Variants in PRKG1 observed in about 807,000 individuals in gnomAD.
PRKG1 encodes protein kinase cGMP-dependent 1.
PRKG1 carries 35 observed loss-of-function variants against 88.1 expected under a neutral mutation model. The observed-to-expected ratio is 0.40, with a 90% CI of 0.30 to 0.53. PRKG1 has a LOEUF of 0.53. PRKG1 is among the 20% of genes least tolerant of loss of function. PRKG1 has a pLI of 0.59. For synonymous variants in PRKG1, 303 were observed against 292.5 expected (o/e 1.04, Z -0.37); for missense variants, 540 against 839.8 (o/e 0.64, Z 4.41).
At chr10:51,276,610 A>G (rs1375155396) in intron 2 of PRKG1, among the ~76,000 whole-genome samples, 1 of 152,074 alleles carries the variant, frequency 6.6e-6, no homozygotes, top group Non-Finnish European at 1.5e-5. Context: ...ATTTCTCCAC[A>G]TCCTCTCCAG....
At chr10:51,236,788 G>C (rs1189390850) in intron 2 of PRKG1, among the ~76,000 whole-genome samples, 1 of 152,126 alleles carries the variant, frequency 6.6e-6, no homozygotes, top group East Asian at 1.9e-4. Context: ...ACAGGTATGA[G>C]CCACCACGCT....
At chr10:52,192,022 G>A (rs901415772) in intron 9 of PRKG1, among the ~76,000 whole-genome samples, 1 of 152,142 alleles carries the variant, frequency 6.6e-6, no homozygotes, top group Non-Finnish European at 1.5e-5. Context: ...AATTTTCAGA[G>A]TAAGTAATTG....
At chr10:51,978,889 A>G (rs532710986) in intron 5 of PRKG1, among the ~76,000 whole-genome samples, 210 of 152,108 alleles carry the variant, frequency 1.4e-3, no homozygotes, top group Non-Finnish European at 1.9e-3. Context: ...TAGGTATAGG[A>G]TTATGTCATC....
intron 7 of PRKG1, among the ~76,000 whole-genome samples, chr10:52,087,634 T>C (rs1252782813): frequency 2.6e-5 from 4 of 152,218 alleles, no homozygotes; most frequent in Non-Finnish European, 5.9e-5. Flanking sequence ...TATACTTTAA[T>C]ATTTTGTGCT....
chr10:51,209,960 A>C (rs935706213), intron 2 of PRKG1, among the ~76,000 whole-genome samples: 3 of 152,140 alleles, frequency 2.0e-5, no homozygotes, highest in Admixed American at 6.6e-5. Context: ...TTTTCAAATC[A>C]TACTTTCTTT....
chr10:51,227,540 G>A (rs2132102590), intron 2 of PRKG1, among the ~76,000 whole-genome samples: 1 of 152,296 alleles, frequency 6.6e-6, no homozygotes, highest in East Asian at 1.9e-4. Context: ...CACTAGGAAT[G>A]TAAAGACACA....
rs1162587002 is a variant in PRKG1 at position 51,294,451 on chromosome 10, A to G, written c.478+141121A>G. On this transcript the variant is annotated intron_variant, in intron 2 of 17. Coordinates refer to ENST00000373980, the MANE Select transcript of PRKG1 (RefSeq NM_006258.4). Reference sequence around the variant, plus strand: ...TGTGGTTGGACATACTGTTTTCCCAACATAATTTATTTAGGAGACCATCCT... The same window carrying G: ...TGTGGTTGGACATACTGTTTTCCCAGCATAATTTATTTAGGAGACCATCCT... 2.0e-5 allele frequency among the ~76,000 whole-genome samples: 3 copies of G among 151,432 alleles called. No homozygotes were observed. In the South Asian group the frequency reaches 6.3e-4, roughly 32 times the overall value.
chr10:51,556,530 C>T (rs890704700), intron 3 of PRKG1, among the ~76,000 whole-genome samples: 2 of 152,052 alleles, frequency 1.3e-5, no homozygotes, highest in East Asian at 3.9e-4. Context: ...CTTATATATA[C>T]ATCACAGAAT....
At chr10:51,991,479 C>T (rs1844306016) in intron 5 of PRKG1, among the ~76,000 whole-genome samples, 1 of 152,070 alleles carries the variant, frequency 6.6e-6, no homozygotes, top group South Asian at 2.1e-4. Context: ...GTGCTGCACA[C>T]ATTAACTCAT....
intron 10 of PRKG1, among the ~76,000 whole-genome samples, chr10:52,253,162 A>T (rs1011526690): frequency 3.9e-5 from 6 of 152,024 alleles, no homozygotes; most frequent in African/African-American, 1.4e-4. Context: ...GAGTGATTGT[A>T]GGACTGTTAT....
intron 2 of PRKG1, among the ~76,000 whole-genome samples, chr10:51,379,353 T>C (rs1842875632): frequency 6.6e-6 from 1 of 152,244 alleles, no homozygotes; most frequent in South Asian, 2.1e-4. Flanking sequence ...AGATGTATTA[T>C]GTAAACCTCA....
At chr10:52,076,382 C>A (rs1209422687) in intron 7 of PRKG1, among the ~76,000 whole-genome samples, 1 of 152,192 alleles carries the variant, frequency 6.6e-6, no homozygotes, top group African/African-American at 2.4e-5. Context: ...CATGGCGAAA[C>A]CCTGTCTCTA....
Position 51,236,367 on chromosome 10 carries a change from G to C in PRKG1, c.478+83037G>C, listed in dbSNP as rs749469338. 5.5e-4 allele frequency among the ~76,000 whole-genome samples: 83 copies of C among 152,094 alleles called. 1 individual carries two copies. Among genetic ancestry groups the C allele is most frequent in the Non-Finnish European group, 1.5e-4 (10 of 67,966 alleles). The stretch of plus-strand genomic sequence containing the variant: ...ATGTTTATTTCCTGTGGTATCATGT[G>C]TCTTTGTTGTCAGTATTTGTCAGCT... On this transcript the variant is annotated intron_variant, in intron 2 of 17. Transcript: ENST00000373980.
intron 2 of PRKG1, among the ~76,000 whole-genome samples, chr10:51,247,653 C>T (rs1489830215): frequency 1.3e-5 from 2 of 151,908 alleles, no homozygotes; most frequent in East Asian, 3.9e-4. Flanking sequence ...AGTGCATCCC[C>T]ATAGAAGGCA....
chr10:51,569,364 C>T (rs569781740), intron 3 of PRKG1, among the ~76,000 whole-genome samples: 7 of 152,030 alleles, frequency 4.6e-5, no homozygotes, highest in African/African-American at 1.7e-4. Flanking sequence ...CTTAAGACAT[C>T]AAAACATAGG....
At chr10:51,462,615 C>T (rs1307059197) in intron 2 of PRKG1, among the ~76,000 whole-genome samples, 8 of 152,150 alleles carry the variant, frequency 5.3e-5, no homozygotes, top group Admixed American at 5.2e-4. Context: ...TGACTCAGCT[C>T]ATTCCAGAGC....
chr10:51,680,581 C>T (rs551237365), intron 3 of PRKG1, among the ~76,000 whole-genome samples: 102 of 152,354 alleles, frequency 6.7e-4, no homozygotes, highest in Admixed American at 1.3e-3. Flanking sequence ...CTAGCTCTCA[C>T]TAACTACTCT....
intron 3 of PRKG1, among the ~76,000 whole-genome samples, chr10:51,498,922 A>G (rs1446606403): frequency 6.6e-6 from 1 of 151,972 alleles, no homozygotes; most frequent in East Asian, 1.9e-4. Context: ...AAAAAAAAAA[A>G]AGCCAGCACA....
chr10:51,688,416 G>A (rs948536910), intron 3 of PRKG1, among the ~76,000 whole-genome samples: 27 of 152,052 alleles, frequency 1.8e-4, no homozygotes, highest in Admixed American at 5.9e-4. Context: ...TCTCTCCTGC[G>A]TAATCCCGTG....
Sources: gnomAD v4.1 joint callset for allele counts (sites outside exome capture counted in the v4.1 genomes callset) on GRCh38, gnomAD v4.1.1 for gene constraint, MANE v1.5 for transcripts, NCBI Gene and HGNC (gene_info 2026-07-23, HGNC 2026-07-21) for gene names.